Variants in CHL1 observed in about 807,000 individuals in gnomAD.
CHL1 encodes neural cell adhesion molecule L1-like protein.
In CHL1, 96 loss-of-function variants were observed where a neutral mutation model predicts 141.9. The ratio of observed to expected loss-of-function variants is 0.68; its 90% CI spans 0.57 to 0.80. The LOEUF is 0.80. CHL1 is among the 30% of genes least tolerant of loss of function. CHL1 has a pLI of 0.00. For synonymous variants in CHL1, 613 were observed against 502.2 expected, an observed-to-expected ratio of 1.22 and a Z score of -2.95; for missense variants, 1,820 against 1,457.2, an observed-to-expected ratio of 1.25 and a Z score of -4.05.
chr3:261,312 GGGAAGAAGAGAGGGAA>G (rs1443774994), intron 2 of CHL1, among the ~76,000 whole-genome samples: 1 of 151,450 alleles, frequency 6.6e-6, no homozygotes, highest in African/African-American at 2.4e-5. Flanking sequence ...AATAGAGGGA[GGGAAGAAGAGAGGGAA>G]GGAAGAAAGA....
intron 24 of CHL1, among the ~76,000 whole-genome samples, chr3:397,031 A>G (rs975344366): frequency 3.9e-5 from 6 of 152,084 alleles, no homozygotes; most frequent in African/African-American, 1.4e-4. Flanking sequence ...ATTGACAAGT[A>G]TTTTTCTCTG....
At chr3:244,902 T>G (rs191173788) in intron 2 of CHL1, among the ~76,000 whole-genome samples, 196 of 152,268 alleles carry the variant, frequency 1.3e-3, no homozygotes, top group Non-Finnish European at 8.8e-5. Flanking sequence ...GCTGGTTTAT[T>G]TTTGAAAGAG....
chr3:322,992 A>G (rs1465982143), intron 3 of CHL1, among the ~76,000 whole-genome samples: 1 of 151,998 alleles, frequency 6.6e-6, no homozygotes, highest in Non-Finnish European at 1.5e-5. Flanking sequence ...CATACTTTCT[A>G]ACATTCTAGT....
At chr3:265,822 G>A (rs1425072240) in intron 2 of CHL1, among the ~76,000 whole-genome samples, 1 of 152,142 alleles carries the variant, frequency 6.6e-6, no homozygotes, top group African/African-American at 2.4e-5. Flanking sequence ...AGTAAATTGG[G>A]ATAATCAACC....
chr3:328,574 C>A (rs184070898), intron 5 of CHL1: 3 of 383,966 alleles, frequency 7.8e-6, no homozygotes, highest in Middle Eastern at 6.8e-4. Context: ...AACCTTATAT[C>A]TAACATGGAA....
At chr3:298,114 G>C (rs1350453743) in intron 2 of CHL1, among the ~76,000 whole-genome samples, 1 of 152,132 alleles carries the variant, frequency 6.6e-6, no homozygotes, top group Non-Finnish European at 1.5e-5. Flanking sequence ...TCAGGAAAGA[G>C]ACAACATATC....
chr3:208,198 A>G (rs948132748), intron 1 of CHL1, among the ~76,000 whole-genome samples: 5 of 152,186 alleles, frequency 3.3e-5, no homozygotes, highest in Admixed American at 1.3e-4. Context: ...TAATGAGCTA[A>G]TATTTATAAA....
intron 1 of CHL1, among the ~76,000 whole-genome samples, chr3:207,256 A>G (rs1206016202): frequency 6.6e-6 from 1 of 152,210 alleles, no homozygotes; most frequent in Non-Finnish European, 1.5e-5. Flanking sequence ...TTTGTGTACT[A>G]GAAAGTGGCA....
intron 2 of CHL1, among the ~76,000 whole-genome samples, chr3:268,772 C>A (rs4574273): frequency 0.047 from 7,167 of 152,130 alleles, 526 homozygotes; most frequent in African/African-American, 0.16. Flanking sequence ...AAAGAATCTT[C>A]GGAATTATTT....
chr3:337,518 C>T (rs1431269704), intron 5 of CHL1, among the ~76,000 whole-genome samples: 4 of 148,710 alleles, frequency 2.7e-5, no homozygotes, highest in Non-Finnish European at 6.0e-5. Flanking sequence ...CCTCCCCTCT[C>T]CCCCCACCCC....
intron 1 of CHL1, among the ~76,000 whole-genome samples, chr3:216,029 A>G (rs1209612007): frequency 6.6e-6 from 1 of 152,210 alleles, no homozygotes; most frequent in Non-Finnish European, 1.5e-5. Flanking sequence ...GAGTGAGAAT[A>G]TATATGTTAT....
At chr3:262,530 TTACAGGGCAGGATTCACACGTTTAAG>T (rs1694816567) in intron 2 of CHL1, among the ~76,000 whole-genome samples, 1 of 134,926 alleles carries the variant, frequency 7.4e-6, no homozygotes, top group African/African-American at 3.5e-5. Flanking sequence ...TACACAGTAC[TTACAGGGCAGGATTCACACGTTTAAG>T]CCTAGATCTA....
At chr3:377,312 A>G (rs1047785835) in intron 15 of CHL1, among the ~76,000 whole-genome samples, 1 of 152,212 alleles carries the variant, frequency 6.6e-6, no homozygotes, top group Admixed American at 6.6e-5. Context: ...TGTGCATTGT[A>G]CTTGGGAGTG....
chr3:217,043 G>A (rs941617123), intron 1 of CHL1, among the ~76,000 whole-genome samples: 4 of 152,198 alleles, frequency 2.6e-5, no homozygotes, highest in Admixed American at 1.3e-4. Flanking sequence ...AGTCTGCAGG[G>A]GAAGGAAATT....
chr3:274,422 C>T (rs539028555), intron 2 of CHL1, among the ~76,000 whole-genome samples: 2 of 152,310 alleles, frequency 1.3e-5, no homozygotes, highest in Admixed American at 6.5e-5. Context: ...AAAGAACATT[C>T]CAAATTATTA....
chr3:218,406 A>G (rs1700518163), intron 1 of CHL1, among the ~76,000 whole-genome samples: 1 of 152,354 alleles, frequency 6.6e-6, no homozygotes, highest in East Asian at 1.9e-4. Flanking sequence ...GAGTTTGGAT[A>G]TCTTTTTCCT....
intron 15 of CHL1, among the ~76,000 whole-genome samples, chr3:368,893 C>T (rs1366561674): frequency 6.6e-6 from 1 of 152,128 alleles, no homozygotes; most frequent in East Asian, 1.9e-4. Context: ...TGTCAAAGAT[C>T]AGATGATTAT....
intron 16 of CHL1, among the ~76,000 whole-genome samples, chr3:380,665 A>G (rs1575229208): frequency 2.0e-5 from 3 of 152,204 alleles, no homozygotes; most frequent in African/African-American, 7.2e-5. Context: ...CTTTTTGAGA[A>G]CTCCAGGTTA....
chr3:301,026 G>A (rs776744260), intron 2 of CHL1, among the ~76,000 whole-genome samples: 2 of 152,152 alleles, frequency 1.3e-5, no homozygotes, highest in Non-Finnish European at 2.9e-5. Flanking sequence ...CTCAGAATTT[G>A]CAGAATAATA....
Sources: allele counts gnomAD v4.1 joint callset (sites outside exome capture counted in the v4.1 genomes callset), GRCh38; gene constraint gnomAD v4.1.1; transcripts MANE v1.5; gene names NCBI Gene and HGNC (gene_info 2026-07-23, HGNC 2026-07-21).